Variants in FOXK1 observed in about 807,000 individuals in gnomAD.
FOXK1 encodes forkhead box K1, also known as forkhead box protein K1.
In FOXK1, 19 loss-of-function variants were observed where a neutral mutation model predicts 51.9. That is an observed-to-expected ratio of 0.37 (90% confidence interval 0.26 to 0.54). The LOEUF is 0.54. FOXK1 is among the 20% of genes least tolerant of loss of function. The pLI, the probability that FOXK1 is intolerant of heterozygous loss-of-function variation, is 0.87. For synonymous variants in FOXK1, 537 were observed against 482.6 expected, an observed-to-expected ratio of 1.11 and a Z score of -1.48; for missense variants, 870 against 1,032.7, an observed-to-expected ratio of 0.84 and a Z score of 2.16.
chr7:4,710,180 T>C (rs1298649308), intron 1 of FOXK1, among the ~76,000 whole-genome samples: 2 of 152,242 alleles, frequency 1.3e-5, no homozygotes, highest in Non-Finnish European at 2.9e-5. Flanking sequence ...GTTCATCTGC[T>C]CTAAGCCTCA....
intron 1 of FOXK1, among the ~76,000 whole-genome samples, chr7:4,697,536 G>A (rs1385226931): frequency 6.6e-6 from 1 of 152,132 alleles, no homozygotes; most frequent in African/African-American, 2.4e-5. Flanking sequence ...GGCCATGCCT[G>A]GTGGCCCGTC....
chr7:4,739,843 G>A (rs1460622018), intron 1 of FOXK1, among the ~76,000 whole-genome samples: 1 of 152,220 alleles, frequency 6.6e-6, no homozygotes, highest in Non-Finnish European at 1.5e-5. Flanking sequence ...CAGTCTTCCA[G>A]TGTGTCATTT....
At chr7:4,705,742 T>C (rs1780081440) in intron 1 of FOXK1, among the ~76,000 whole-genome samples, 1 of 150,158 alleles carries the variant, frequency 6.7e-6, no homozygotes, top group Non-Finnish European at 1.5e-5. Context: ...TTTCACCACA[T>C]TGGCCAGGAT....
In FOXK1 at chr7:4,734,654, G is replaced by C. The variant is rs1160814991; in HGVS notation, c.561-6184G>C. ...GGGGCTCAGGAAGGCTGGGTCTCAG[G>C]CTTTTCTCCTGCGCCATTGTCTGCT... On this transcript the variant is annotated intron_variant, in intron 1 of 8. Transcript: ENST00000328914. The surrounding 1 kb of genome is among the most constrained non-coding windows in gnomAD (Gnocchi z 5.2). 1.3e-5 allele frequency among the ~76,000 whole-genome samples: 2 copies of C among 152,196 alleles called. No homozygotes were observed. Among genetic ancestry groups the C allele is most frequent in the African/African-American group, 4.8e-5 (2 of 41,460 alleles).
At chr7:4,686,605 T>C (rs998077771) in intron 1 of FOXK1, among the ~76,000 whole-genome samples, 4 of 152,168 alleles carry the variant, frequency 2.6e-5, no homozygotes, top group Non-Finnish European at 5.9e-5. Context: ...GTCTCCGTGA[T>C]AGCGTTTCTT....
rs190371569 is a variant in FOXK1 at position 4,756,847 on chromosome 7, G to C, written c.1051-147G>C. 3.9e-5 allele frequency: 30 copies of C among 764,374 alleles called. No individual in the cohort carries two copies. The African/African-American group carries it at 4.6e-4, about 12-fold the overall frequency. The allele number at this position is 764,374 out of a possible 1,614,324, so 47.3% of individuals were successfully genotyped here. On this transcript the variant is annotated intron_variant, in intron 4 of 8. Coordinates refer to ENST00000328914, the MANE Select transcript of FOXK1 (RefSeq NM_001037165.2). This position sits in a 1 kb window ranked among gnomAD's most constrained non-coding sequence, Gnocchi z 4.1. ...TGCCCTGTGCCTCGGTGCTGCTCCC[G>C]TGAGGCCCAGCCAGCACAGCACCAA...
intron 1 of FOXK1, among the ~76,000 whole-genome samples, chr7:4,708,920 C>G (rs984490349): frequency 1.3e-5 from 2 of 152,086 alleles, no homozygotes; most frequent in Admixed American, 1.3e-4. Context: ...CAGAAATTAG[C>G]TGGGCGTGAT....
Position 4,761,380 on chromosome 7 carries a change from C to A in FOXK1, c.1921+92C>A. 2.4e-6 allele frequency: 3 copies of A among 1,227,904 alleles called. No individual in the cohort carries two copies. Among genetic ancestry groups the A allele is most frequent in the South Asian group, 1.4e-5 (1 of 73,598 alleles). The allele number at this position is 1,227,904 out of a possible 1,614,324, so 76.1% of individuals were successfully genotyped here. A position where few individuals can be genotyped will look rare whatever the true frequency, so the allele number is the denominator to read the frequency against. ...ATGAGAATGTTCTCCCAGTATCTCC[C>A]GATCCTCCACTCAGTTCAATTTATT... On this transcript the variant is annotated intron_variant, in intron 8 of 8. Coordinates refer to ENST00000328914, the MANE Select transcript of FOXK1 (RefSeq NM_001037165.2). This position sits in a 1 kb window ranked among gnomAD's most constrained non-coding sequence, Gnocchi z 6.2.
chr7:4,717,887 G>GGGTGATGGTTTTCTATTGTAAAA (rs1780256515), intron 1 of FOXK1, among the ~76,000 whole-genome samples: 2 of 152,162 alleles, frequency 1.3e-5, no homozygotes, highest in Non-Finnish European at 2.9e-5. Context: ...GTCTCAGATT[G>GGGTGATGGTTTTCTATTGTAAAA]GGTGATGGTT....
chr7:4,730,443 C>T lies in FOXK1; in HGVS notation c.561-10395C>T, dbSNP rs147110642. Among the ~76,000 whole-genome samples the T allele has an allele frequency of 1.2e-4, 18 of 152,322 alleles. No homozygotes were observed. The East Asian group carries it at 3.3e-3, about 28-fold the overall frequency. The stretch of plus-strand genomic sequence containing the variant: ...CCCAAAAGTGGAGTCACGGTTGCAG[C>T]TCTGGTTCCTGGAGGAGGGACGCAG... On this transcript the variant is annotated intron_variant, in intron 1 of 8. Transcript: ENST00000328914. This position sits in a 1 kb window ranked among gnomAD's most constrained non-coding sequence, Gnocchi z 4.7.
rs1335888569 is a variant in FOXK1, at chr7:4,715,747, C to T, written c.561-25091C>T. On this transcript the variant is annotated intron_variant, in intron 1 of 8. Coordinates refer to ENST00000328914, the MANE Select transcript of FOXK1 (RefSeq NM_001037165.2). The surrounding 1 kb of genome is among the most constrained non-coding windows in gnomAD (Gnocchi z 4.5). Reference sequence around the variant, plus strand: ...TGTCATTGGCCAAGCCAGCTCCGGGCACCCTGAGGTTCCCTCACAGCGAAT... The same window carrying T: ...TGTCATTGGCCAAGCCAGCTCCGGGTACCCTGAGGTTCCCTCACAGCGAAT... Among the ~76,000 whole-genome samples the T allele has an allele frequency of 6.6e-6, 1 of 152,162 alleles. No homozygotes were observed.
rs1780541668 is a variant in FOXK1, at chr7:4,735,537, C to T, written c.561-5301C>T. Among the ~76,000 whole-genome samples the T allele has an allele frequency of 6.6e-6, 1 of 152,178 alleles. No individual in the cohort carries two copies. Among genetic ancestry groups the T allele is most frequent in the African/African-American group, 2.4e-5 (1 of 41,436 alleles). On this transcript the variant is annotated intron_variant, in intron 1 of 8. Transcript: ENST00000328914. The surrounding 1 kb of genome is among the most constrained non-coding windows in gnomAD (Gnocchi z 4.7). ...CTGCCTGTCCCACCCGTCACTCCAG[C>T]CCTAGGCAACCACTAAGCTCCTTTC... is the stretch of plus-strand genomic sequence containing the variant.
chr7:4,746,578 C>T (rs1780705281), intron 2 of FOXK1, among the ~76,000 whole-genome samples: 1 of 151,944 alleles, frequency 6.6e-6, no homozygotes, highest in Non-Finnish European at 1.5e-5. Flanking sequence ...GACCCAGCTA[C>T]TCGGGAGGCT....
intron 1 of FOXK1, among the ~76,000 whole-genome samples, chr7:4,705,983 C>CACATATATAT (rs1491584360): frequency 3.3e-5 from 3 of 91,724 alleles, no homozygotes; most frequent in African/African-American, 2.2e-4. Context: ...CGTATATATA[C>CACATATATAT]GTATATATAC....
At position 4,758,420 on chromosome 7, in the gene FOXK1, G is replaced by A. The variant is rs1180055982; in HGVS notation, c.1245-631G>A. The A allele has an allele frequency of 6.6e-6, 1 of 152,358 alleles. No individual in the cohort carries two copies. Among genetic ancestry groups the A allele is most frequent in the Non-Finnish European group, 1.5e-5 (1 of 68,152 alleles). The allele number at this position is 152,358 out of a possible 1,614,324, so 9.4% of individuals were successfully genotyped here. ...GTGTCGAGGAGGAGATCTCCTGAGC[G>A]GCAGTCTCGGAAATCCTTCCCCGTG... On this transcript the variant is annotated intron_variant, in intron 5 of 8. Transcript: ENST00000328914. This position sits in a 1 kb window ranked among gnomAD's most constrained non-coding sequence, Gnocchi z 4.4.
rs2115043835 is a variant in FOXK1, at chr7:4,715,452, AG to A, written c.561-25381del. 6.6e-6 allele frequency among the ~76,000 whole-genome samples: 1 copy of A among 152,098 alleles called. No individual in the cohort carries two copies. The highest frequency in any genetic ancestry group is 2.4e-5 in the African/African-American group (1 of 41,504). On this transcript the variant is annotated intron_variant, in intron 1 of 8. Transcript: ENST00000328914. This position sits in a 1 kb window ranked among gnomAD's most constrained non-coding sequence, Gnocchi z 4.5. ...ATCCTTGCCCTGCCTCCCTCCTTCT[AG>A]GGGGTTGGCTGGAACTCGGGCCCCG...
intron 1 of FOXK1, among the ~76,000 whole-genome samples, chr7:4,706,053 T>TATGTGTATATAC (rs1469959937): frequency 8.0e-6 from 1 of 124,934 alleles, no homozygotes; most frequent in African/African-American, 4.3e-5. Flanking sequence ...CGTGTATATA[T>TATGTGTATATAC]GTATATATAT....
At chr7:4,690,844 TA>T (rs1266642371) in intron 1 of FOXK1, among the ~76,000 whole-genome samples, 1 of 152,220 alleles carries the variant, frequency 6.6e-6, no homozygotes, top group Non-Finnish European at 1.5e-5. Flanking sequence ...TGTCAGAGGA[TA>T]AACTTGCTAA....
intron 1 of FOXK1, among the ~76,000 whole-genome samples, chr7:4,687,117 A>G (rs1274428753): frequency 6.6e-6 from 1 of 151,762 alleles, no homozygotes; most frequent in South Asian, 2.1e-4. Context: ...TATTTTTAGT[A>G]GAGACGGGGT....
Sources: gnomAD v4.1 joint callset for allele counts (sites outside exome capture counted in the v4.1 genomes callset) on GRCh38, gnomAD v4.1.1 for gene constraint, Gnocchi (gnomAD v3.1) non-coding constraint, MANE v1.5 for transcripts, NCBI Gene and HGNC (gene_info 2026-07-23, HGNC 2026-07-21) for gene names.